The following NRG3 variants were observed in gnomAD, a reference collection of about 807,000 sequenced individuals.
The protein encoded by NRG3 is neuregulin 3, also known as pro-neuregulin-3, membrane-bound isoform.
Under a neutral mutation model 66.9 loss-of-function variants are expected in NRG3, and 31 were observed. The observed-to-expected ratio is 0.46, with a 90% CI of 0.35 to 0.63. The LOEUF (loss-of-function observed/expected upper bound fraction) is 0.63. NRG3 is among the 20% of genes least tolerant of loss of function. The probability of loss-of-function intolerance (pLI) is 0.00; values close to 1 mark genes in which losing one functional copy is unlikely to be tolerated. For synonymous variants in NRG3, 393 were observed against 359.4 expected (o/e 1.09, Z -1.06); for missense variants, 910 against 878.9 (o/e 1.04, Z -0.45).
At chr10:82,899,778 C>A (rs1028705089) in intron 4 of NRG3, among the ~76,000 whole-genome samples, 2 of 152,086 alleles carry the variant, frequency 1.3e-5, no homozygotes, top group Non-Finnish European at 2.9e-5. Context: ...TTAAATCAGA[C>A]AAACTGGATA....
chr10:81,909,350 G>A (rs1033096019), intron 1 of NRG3, among the ~76,000 whole-genome samples: 4 of 152,060 alleles, frequency 2.6e-5, no homozygotes, highest in Non-Finnish European at 5.9e-5. Context: ...ACATTCACAG[G>A]TTCTGGGTGG....
intron 1 of NRG3, among the ~76,000 whole-genome samples, chr10:82,200,907 A>T (rs886770245): frequency 1.3e-5 from 2 of 152,084 alleles, no homozygotes; most frequent in Non-Finnish European, 2.9e-5. Flanking sequence ...AAACATAAAG[A>T]GACAGCTGGG....
At chr10:82,828,616 A>G (rs1052860974) in intron 3 of NRG3, among the ~76,000 whole-genome samples, 8 of 152,206 alleles carry the variant, frequency 5.3e-5, no homozygotes, top group Admixed American at 4.6e-4. Flanking sequence ...AAATATTCTG[A>G]TTTAAGTTAT....
intron 2 of NRG3, among the ~76,000 whole-genome samples, chr10:82,718,509 T>C (rs1042016183): frequency 6.6e-5 from 10 of 152,198 alleles, no homozygotes; most frequent in South Asian, 2.1e-4. Context: ...TTTTCAATTT[T>C]TGACAATGAA....
chr10:81,924,074 G>A (rs569643978), intron 1 of NRG3, among the ~76,000 whole-genome samples: 1 of 152,294 alleles, frequency 6.6e-6, no homozygotes, highest in African/African-American at 2.4e-5. Flanking sequence ...GACTGACCCC[G>A]GTGGGATTAG....
intron 2 of NRG3, among the ~76,000 whole-genome samples, chr10:82,427,156 AT>A (rs2089502899): frequency 6.6e-6 from 1 of 152,020 alleles, no homozygotes; most frequent in Non-Finnish European, 1.5e-5. Context: ...TTACTTTTTC[AT>A]TTTCAATCTT....
chr10:82,082,799 A>G (rs1356062899), intron 1 of NRG3, among the ~76,000 whole-genome samples: 1 of 152,184 alleles, frequency 6.6e-6, no homozygotes, highest in Admixed American at 6.5e-5. Flanking sequence ...TGGGTCTCCA[A>G]TTGACCCTTC....
chr10:82,046,084 G>GT (rs2063280098), intron 1 of NRG3, among the ~76,000 whole-genome samples: 1 of 142,534 alleles, frequency 7.0e-6, no homozygotes, highest in African/African-American at 2.6e-5. Context: ...CTTTAAAGTA[G>GT]TTTTTTCCAA....
chr10:82,341,480 T>G (rs1589775713), intron 1 of NRG3, among the ~76,000 whole-genome samples: 1 of 152,248 alleles, frequency 6.6e-6, no homozygotes, highest in South Asian at 2.1e-4. Context: ...GATTAATAGG[T>G]TTATTCCAAG....
intron 6 of NRG3, among the ~76,000 whole-genome samples, chr10:82,971,280 A>C (rs1041141499): frequency 6.6e-6 from 1 of 152,106 alleles, no homozygotes; most frequent in East Asian, 1.9e-4. Context: ...TATCCAAACT[A>C]TATCACTTCT....
chr10:82,677,291 T>C (rs2053774546), intron 2 of NRG3, among the ~76,000 whole-genome samples: 1 of 152,080 alleles, frequency 6.6e-6, no homozygotes, highest in Non-Finnish European at 1.5e-5. Context: ...GGATCCAGCC[T>C]CAGCCTCCTA....
intron 2 of NRG3, among the ~76,000 whole-genome samples, chr10:82,361,783 A>G (rs1339131414): frequency 6.6e-6 from 1 of 152,118 alleles, no homozygotes; most frequent in Non-Finnish European, 1.5e-5. Flanking sequence ...TTTTGTTTCA[A>G]GTTAAATAAG....
intron 2 of NRG3, among the ~76,000 whole-genome samples, chr10:82,684,270 A>G (rs1293848359): frequency 1.3e-5 from 2 of 152,224 alleles, no homozygotes; most frequent in Non-Finnish European, 2.9e-5. Context: ...TTGCATCACA[A>G]TGGAAGAGAT....
chr10:82,816,805 G>A (rs1334606101), intron 3 of NRG3, among the ~76,000 whole-genome samples: 3 of 152,314 alleles, frequency 2.0e-5, no homozygotes, highest in East Asian at 1.9e-4. Flanking sequence ...AGCAGAGCAC[G>A]CAGCCCCAGC....
At chr10:82,591,373 T>G (rs906880978) in intron 2 of NRG3, among the ~76,000 whole-genome samples, 1 of 152,210 alleles carries the variant, frequency 6.6e-6, no homozygotes, top group Non-Finnish European at 1.5e-5. Context: ...GCGGTTTAAG[T>G]GCAGTCAAAC....
intron 1 of NRG3, among the ~76,000 whole-genome samples, chr10:82,175,517 C>T (rs2072961033): frequency 6.6e-6 from 1 of 152,166 alleles, no homozygotes; most frequent in South Asian, 2.1e-4. Context: ...TTCCCTTTAT[C>T]CAAATGCTTC....
intron 4 of NRG3, among the ~76,000 whole-genome samples, chr10:82,914,749 CT>C (rs200748869): frequency 0.02 from 2,911 of 143,674 alleles, 78 homozygotes; most frequent in African/African-American, 0.062. Context: ...TGATTTTTAG[CT>C]TTTTTTTTTT....
intron 3 of NRG3, among the ~76,000 whole-genome samples, chr10:82,749,466 T>C (rs899273993): frequency 6.6e-5 from 10 of 152,140 alleles, no homozygotes; most frequent in African/African-American, 2.4e-4. Context: ...ATCCTCTCCA[T>C]GTGAGCAATC....
At chr10:82,832,306 TG>T (rs2062566386) in intron 3 of NRG3, among the ~76,000 whole-genome samples, 1 of 152,140 alleles carries the variant, frequency 6.6e-6, no homozygotes, top group South Asian at 2.1e-4. Context: ...GATAAAAACT[TG>T]GGCCCAGTTC....
Sources: allele counts gnomAD v4.1 joint callset (sites outside exome capture counted in the v4.1 genomes callset), GRCh38; gene constraint gnomAD v4.1.1; transcripts MANE v1.5; gene names NCBI Gene and HGNC (gene_info 2026-07-23, HGNC 2026-07-21).